MPP7: variants seen among roughly 807,000 people sequenced by gnomAD.
MPP7 encodes MAGUK p55 scaffold protein 7, also known as MAGUK p55 subfamily member 7.
MPP7 carries 60 observed loss-of-function variants against 76.5 expected under a neutral mutation model. The observed-to-expected ratio is 0.78, with a 90% CI of 0.64 to 0.97. The LOEUF (loss-of-function observed/expected upper bound fraction) is 0.97, where lower values mean the gene tolerates loss of function less well. Among genes scored for constraint, MPP7 ranks in the 50% least tolerant of loss-of-function variants. The pLI is 0.00. For synonymous variants in MPP7, 237 were observed against 244.5 expected, an observed-to-expected ratio of 0.97 and a Z score of 0.29; for missense variants, 641 against 694.0, an observed-to-expected ratio of 0.92 and a Z score of 0.86.
intron 1 of MPP7, among the ~76,000 whole-genome samples, chr10:28,291,841 CTTTG>C (rs1043285589): frequency 1.1e-4 from 16 of 152,028 alleles, no homozygotes; most frequent in Admixed American, 5.9e-4. Context: ...TTAAGCTAAG[CTTTG>C]TTTATTACTG....
In MPP7 at chr10:28,190,829, A is replaced by G. The variant is rs182690363; in HGVS notation, c.156+11324T>C. Reference sequence around the variant, plus strand: ...TAATGAAACTGGAACAAAAAAAAACAGAGAAAAATCAACAAAATCAAAAGC... The same window carrying G: ...TAATGAAACTGGAACAAAAAAAAACGGAGAAAAATCAACAAAATCAAAAGC... On this transcript the variant is annotated intron_variant, in intron 3 of 16. Transcript: ENST00000683449. 1.6e-4 allele frequency among the ~76,000 whole-genome samples: 24 copies of G among 152,174 alleles called. No individual in the cohort carries two copies. The East Asian group carries it at 4.2e-3, about 27-fold the overall frequency.
chr10:28,317,462 T>C (rs2133180468), intron 2 of MPP7, among the ~76,000 whole-genome samples: 1 of 152,266 alleles, frequency 6.6e-6, no homozygotes. Context: ...GCTCAAGAGT[T>C]CGAGGCTGCA....
chr10:28,254,477 G>C (rs181936216), intron 1 of MPP7, among the ~76,000 whole-genome samples: 20 of 152,218 alleles, frequency 1.3e-4, no homozygotes, highest in African/African-American at 4.6e-4. Context: ...TCTTAAAACA[G>C]TACTGACTCA....
intron 12 of MPP7, among the ~76,000 whole-genome samples, chr10:28,075,634 G>A (rs183288521): frequency 7.2e-5 from 11 of 152,170 alleles, no homozygotes; most frequent in South Asian, 2.1e-4. Context: ...TCTTCATCAC[G>A]TGCTACTTGC....
chr10:28,277,174 A>G (rs140089479), intron 1 of MPP7, among the ~76,000 whole-genome samples: 1 of 152,064 alleles, frequency 6.6e-6, no homozygotes, highest in East Asian at 1.9e-4. Flanking sequence ...GAGACACAGC[A>G]AGATCCTGTC....
At chr10:28,171,642 C>T (rs1424898583) in intron 3 of MPP7, among the ~76,000 whole-genome samples, 1 of 152,200 alleles carries the variant, frequency 6.6e-6, no homozygotes, top group Admixed American at 6.5e-5. Context: ...TGCAACCAAA[C>T]TTTTTAAGTG....
chr10:28,197,280 T>G lies in MPP7; in HGVS notation c.156+4873A>C, dbSNP rs138971077. On this transcript the variant is annotated intron_variant, in intron 3 of 16. Coordinates refer to ENST00000683449, the MANE Select transcript of MPP7 (RefSeq NM_001318170.2). ...TCACTGCAACCTCTGCCTCCCAGGTTCAAGCAATTCTCATGCCTCAGCCTC... is the reference window on the plus strand; with the variant it reads ...TCACTGCAACCTCTGCCTCCCAGGTGCAAGCAATTCTCATGCCTCAGCCTC... 4.4e-3 allele frequency among the ~76,000 whole-genome samples: 659 copies of G among 151,408 alleles called. 5 individuals are homozygous for G. The highest frequency in any genetic ancestry group is 0.015 in the African/African-American group (602 of 41,200).
chr10:28,087,099 C>T (rs1038847803), intron 12 of MPP7, among the ~76,000 whole-genome samples: 3 of 152,146 alleles, frequency 2.0e-5, no homozygotes, highest in African/African-American at 7.2e-5. Flanking sequence ...TAGATTAATG[C>T]CCTCCCTGGC....
chr10:28,143,129 C>T (rs1391927726), intron 5 of MPP7, among the ~76,000 whole-genome samples: 1 of 152,032 alleles, frequency 6.6e-6, no homozygotes, highest in Non-Finnish European at 1.5e-5. Context: ...TTAAGTAGTG[C>T]ATTCTATGAT....
intron 3 of MPP7, 133 bp downstream of exon 3, chr10:28,202,020 C>A: frequency 1.5e-6 from 1 of 671,208 alleles, no homozygotes; most frequent in South Asian, 1.9e-5. Context: ...ACAACTTCCA[C>A]GCCCGTCGGT....
chr10:28,275,630 CT>C (rs1156417335), intron 1 of MPP7, among the ~76,000 whole-genome samples: 3 of 152,032 alleles, frequency 2.0e-5, no homozygotes, highest in African/African-American at 4.8e-5. Flanking sequence ...TGGTCTCAAA[CT>C]CCTGACCTCA....
intron 11 of MPP7, among the ~76,000 whole-genome samples, chr10:28,109,141 A>G (rs1834417194): frequency 6.6e-6 from 1 of 152,142 alleles, no homozygotes; most frequent in Non-Finnish European, 1.5e-5. Context: ...TACAAAAATA[A>G]GCCAGGCGTG....
intron 3 of MPP7, among the ~76,000 whole-genome samples, chr10:28,157,213 A>C (rs1183178056): frequency 6.6e-6 from 1 of 152,234 alleles, no homozygotes; most frequent in Admixed American, 6.5e-5. Flanking sequence ...TGGTCTCAGA[A>C]AGGAAAGGAA....
intron 4 of MPP7, among the ~76,000 whole-genome samples, chr10:28,149,763 A>G: frequency 6.6e-6 from 1 of 152,254 alleles, no homozygotes; most frequent in African/African-American, 2.4e-5. Context: ...AAAGCAGAAC[A>G]AGAGAGTAGC....
At chr10:28,329,217 T>A (rs1016848862) in intron 2 of MPP7, among the ~76,000 whole-genome samples, 2 of 152,248 alleles carry the variant, frequency 1.3e-5, no homozygotes, top group African/African-American at 4.8e-5. Context: ...TCTAGAATAT[T>A]ACCTTATTAA....
chr10:28,307,503 G>A (rs1273503519), upstream of MPP7: 1 of 152,128 alleles, frequency 6.6e-6, no homozygotes, highest in African/African-American at 2.4e-5. Flanking sequence ...GGACAGAGGC[G>A]TGAAGGGAAG....
intron 3 of MPP7, among the ~76,000 whole-genome samples, chr10:28,156,932 A>G (rs1286114736): frequency 1.3e-5 from 2 of 152,164 alleles, no homozygotes; most frequent in Admixed American, 1.3e-4. Flanking sequence ...GTAATCGGCC[A>G]GGTGTGGTGG....
intron 1 of MPP7, among the ~76,000 whole-genome samples, chr10:28,290,288 T>C (rs1840885956): frequency 9.6e-6 from 1 of 103,830 alleles, no homozygotes; most frequent in African/African-American, 4.1e-5. Flanking sequence ...TTACTTTCCT[T>C]TTTTTTTTTT....
intron 2 of MPP7, among the ~76,000 whole-genome samples, chr10:28,224,848 TTTTG>T (rs1026812296): frequency 5.3e-5 from 8 of 152,166 alleles, no homozygotes; most frequent in African/African-American, 1.4e-4. Flanking sequence ...AAGAATTAGA[TTTTG>T]TTTATCAAAA....
Sources: gnomAD v4.1 joint callset for allele counts (sites outside exome capture counted in the v4.1 genomes callset) on GRCh38, gnomAD v4.1.1 for gene constraint, MANE v1.5 for transcripts, NCBI Gene and HGNC (gene_info 2026-07-23, HGNC 2026-07-21) for gene names.